AP1S2: variants seen among roughly 807,000 people sequenced by gnomAD.
The protein encoded by AP1S2 is AP-1 complex subunit sigma-2.
Under a neutral mutation model 14.3 loss-of-function variants are expected in AP1S2, and 1 was observed. The ratio of observed to expected loss-of-function variants is 0.07; its 90% CI spans 0.02 to 0.33. The LOEUF is 0.33. Ranked by LOEUF, AP1S2 falls within the 10% of genes least tolerant of loss-of-function variation. AP1S2 has a pLI of 0.99. For synonymous variants in AP1S2, 30 were observed against 40.5 expected (o/e 0.74, Z 0.99); for missense variants, 30 against 117.7 (o/e 0.25, Z 3.45).
intron 4 of AP1S2, among the ~76,000 whole-genome samples, chrX:15,834,051 A>T (rs752537051): frequency 9.0e-6 from 1 of 111,159 alleles, no homozygotes; most frequent in African/African-American, 3.3e-5. Flanking sequence ...ACTATAAACC[A>T]TGTATTGTCC....
At chrX:15,839,744 T>TC (rs1933770772) in intron 4 of AP1S2, among the ~76,000 whole-genome samples, 1 of 109,796 alleles carries the variant, frequency 9.1e-6, no homozygotes, top group Non-Finnish European at 1.9e-5. Context: ...TGCCCCGGCC[T>TC]CCCAAAGTGC....
chrX:15,837,477 G>A (rs886420637), intron 4 of AP1S2, among the ~76,000 whole-genome samples: 3 of 111,038 alleles, frequency 2.7e-5, no homozygotes, highest in Admixed American at 1.9e-4. Flanking sequence ...GGCTGTTGTT[G>A]AGGAAATTAA....
intron 1 of AP1S2, 41 bp downstream of exon 1, chrX:15,854,647 T>G: frequency 3.8e-6 from 2 of 528,643 alleles, no homozygotes; most frequent in African/African-American, 2.7e-5. Context: ...CCTCCCCCTC[T>G]CCCCCATCCC....
In AP1S2 at chrX:15,854,675, C is replaced by T. The variant is rs764686581; in HGVS notation, c.-1+13G>A. 10 of 721,329 alleles carry T rather than the reference C, an allele frequency of 1.4e-5. No individual in the cohort carries two copies. The Admixed American group carries it at 6.0e-4, about 43-fold the overall frequency. The allele number at this position is 721,329 out of a possible 1,213,427, so 59.4% of individuals were successfully genotyped here. ...CCCATCCCCGGCGCCCCCTTTCGCC[C>T]CCAGGGACTTACGGCGGCCGCGGGC... is the stretch of plus-strand genomic sequence containing the variant. On this transcript the variant is annotated intron_variant, in intron 1 of 5. Coordinates refer to ENST00000672987, the MANE Select transcript of AP1S2 (RefSeq NM_001272071.2).
intron 4 of AP1S2, among the ~76,000 whole-genome samples, chrX:15,840,067 G>A (rs769373487): frequency 1.0e-3 from 116 of 111,635 alleles, no homozygotes; most frequent in Non-Finnish European, 1.5e-3. Context: ...CTAATCCTCC[G>A]TAGAGTACCA....
chrX:15,847,421 T>C (rs970358173), intron 2 of AP1S2, among the ~76,000 whole-genome samples: 5 of 111,693 alleles, frequency 4.5e-5, no homozygotes, highest in African/African-American at 1.6e-4. Context: ...CTTTTTCCAC[T>C]GTATCATACA....
chrX:15,833,170 G>A (rs1453194994), intron 4 of AP1S2: 1 of 752,149 alleles, frequency 1.3e-6, no homozygotes, highest in Non-Finnish European at 1.6e-6. Context: ...ATCATACCAT[G>A]TAAAAACCAA....
intron 5 of AP1S2, 29 bp downstream of exon 5, chrX:15,828,162 TA>T: frequency 9.3e-7 from 1 of 1,074,847 alleles, no homozygotes; most frequent in Non-Finnish European, 1.2e-6. Flanking sequence ...GAAAATAATA[TA>T]AATTTTTGGC....
At chrX:15,852,752 A>G in intron 1 of AP1S2, 3 of 414,922 alleles carry the variant, frequency 7.2e-6, no homozygotes, top group Non-Finnish European at 9.1e-6. Flanking sequence ...TTTGAAGGGG[A>G]GTGTGCAGGA....
intron 1 of AP1S2, among the ~76,000 whole-genome samples, chrX:15,854,263 G>A (rs1340785245): frequency 9.0e-6 from 1 of 110,704 alleles, no homozygotes; most frequent in East Asian, 3.0e-4. Context: ...GCCGTCGCCG[G>A]TGCCTCCCCC....
At chrX:15,853,496 T>C (rs1358963639) in intron 1 of AP1S2, among the ~76,000 whole-genome samples, 1 of 112,499 alleles carries the variant, frequency 8.9e-6, no homozygotes, top group Non-Finnish European at 1.9e-5. Context: ...TTCACATAGG[T>C]ATCCTTTTTT....
chrX:15,854,665 C>T (rs1266807532), intron 1 of AP1S2, 23 bp downstream of exon 1: 9 of 671,136 alleles, frequency 1.3e-5, no homozygotes, highest in Non-Finnish European at 1.6e-5. Flanking sequence ...CCCCGGCGCC[C>T]CCTTTCGCCC....
At position 15,842,114 on chromosome X, in the gene AP1S2, T is replaced by A. The variant is rs1933854241; in HGVS notation, c.426+3265A>T. Among the ~76,000 whole-genome samples the A allele has an allele frequency of 1.8e-5, 2 of 112,048 alleles. 1 individual carries two copies. The highest frequency in any genetic ancestry group is 1.9e-4 in the Admixed American group (2 of 10,577). ...CACATACAAGCACTCAAGCGTTAGT[T>A]ACCATCATAATTATTTTTGTTGTCA... On this transcript the variant is annotated intron_variant, in intron 4 of 5. Coordinates refer to ENST00000672987, the MANE Select transcript of AP1S2 (RefSeq NM_001272071.2).
At chrX:15,835,123 A>G (rs1406705496) in intron 4 of AP1S2, among the ~76,000 whole-genome samples, 1 of 112,402 alleles carries the variant, frequency 8.9e-6, no homozygotes, top group Non-Finnish European at 1.9e-5. Flanking sequence ...AAGTAAATCA[A>G]TGGTATCGAA....
At chrX:15,829,765 G>T (rs1422576107) in intron 4 of AP1S2, among the ~76,000 whole-genome samples, 1 of 111,224 alleles carries the variant, frequency 9.0e-6, no homozygotes, top group Non-Finnish European at 1.9e-5. Flanking sequence ...TATAGAAACA[G>T]AAAGTCGAAT....
chrX:15,828,203 A>T lies in AP1S2; in HGVS notation c.427-3T>A. On this transcript the variant is annotated splice_polypyrimidine_tract_variant and splice_region_variant and intron_variant, in intron 4 of 5. Coordinates refer to ENST00000672987, the MANE Select transcript of AP1S2 (RefSeq NM_001272071.2). ...AGTAATAAACTTACTTTCGCATCCT[A>T]ATCATGGTACAGCACAAAGCAAGGA... 1 of 1,119,456 alleles carries T rather than the reference A, an allele frequency of 8.9e-7. No individual in the cohort carries two copies. The highest frequency in any genetic ancestry group is 1.8e-5 in the African/African-American group (1 of 55,405). The allele number at this position is 1,119,456 out of a possible 1,213,427, so 92.3% of individuals were successfully genotyped here.
At chrX:15,835,820 T>G (rs1444274246) in intron 4 of AP1S2, among the ~76,000 whole-genome samples, 1 of 111,374 alleles carries the variant, frequency 9.0e-6, no homozygotes, top group Non-Finnish European at 1.9e-5. Flanking sequence ...ACTAAATACA[T>G]GCTTGTTTTT....
chrX:15,840,696 A>G (rs999550009), intron 4 of AP1S2: 9 of 380,842 alleles, frequency 2.4e-5, no homozygotes, highest in Non-Finnish European at 3.4e-5. Flanking sequence ...GTTTAAATAA[A>G]TCCAACTACA....
Position 15,852,563 on chromosome X carries a change from T to C in AP1S2, c.1-39A>G, listed in dbSNP as rs1020535046. ...TAAAATCAAGATTACATGTAATACT[T>C]TGAATCAATAAAGTTAAGATTATGT... On this transcript the variant is annotated intron_variant, in intron 1 of 5. Transcript: ENST00000672987. 3.5e-6 allele frequency: 4 copies of C among 1,133,059 alleles called. No homozygotes were observed. The African/African-American group carries it at 5.4e-5, about 15-fold the overall frequency. The allele number at this position is 1,133,059 out of a possible 1,213,427, so 93.4% of individuals were successfully genotyped here. A position where few individuals can be genotyped will look rare whatever the true frequency, so the allele number is the denominator to read the frequency against.
Sources: allele counts gnomAD v4.1 joint callset (sites outside exome capture counted in the v4.1 genomes callset), GRCh38; gene constraint gnomAD v4.1.1; transcripts MANE v1.5; gene names NCBI Gene and HGNC (gene_info 2026-07-23, HGNC 2026-07-21).